RORA: variants seen among roughly 807,000 people sequenced by gnomAD.
RORA encodes the protein RAR related orphan receptor A.
A neutral mutation model predicts 69.5 loss-of-function variants in RORA; 7 were observed. The ratio of observed to expected loss-of-function variants is 0.10; its 90% CI spans 0.06 to 0.19. The LOEUF (loss-of-function observed/expected upper bound fraction) is 0.19. RORA is among the 10% of genes least tolerant of loss of function. The pLI, the probability that RORA is intolerant of heterozygous loss-of-function variation, is 1.00. For synonymous variants in RORA, 261 were observed against 240.8 expected (o/e 1.08, Z -0.78); for missense variants, 457 against 663.0 (o/e 0.69, Z 3.41).
At chr15:60,541,309 G>A (rs550292071) in intron 2 of RORA, among the ~76,000 whole-genome samples, 14 of 152,128 alleles carry the variant, frequency 9.2e-5, no homozygotes, top group Non-Finnish European at 1.8e-4. Context: ...TCTGAACTGT[G>A]GCTCAATGGT....
chr15:60,614,516 C>G (rs1438776144), intron 2 of RORA, among the ~76,000 whole-genome samples: 2 of 152,058 alleles, frequency 1.3e-5, no homozygotes, highest in Non-Finnish European at 2.9e-5. Flanking sequence ...ATTCATAGGG[C>G]GCATTGATGA....
chr15:60,797,956 G>C (rs2072521358), intron 1 of RORA, among the ~76,000 whole-genome samples: 1 of 152,156 alleles, frequency 6.6e-6, no homozygotes, highest in Non-Finnish European at 1.5e-5. Context: ...AAATCAACCA[G>C]ATGTGTAGAA....
At chr15:60,772,969 T>C (rs988892239) in intron 1 of RORA, among the ~76,000 whole-genome samples, 4 of 152,258 alleles carry the variant, frequency 2.6e-5, no homozygotes, top group African/African-American at 9.6e-5. Context: ...CAGGGAGTTT[T>C]CCAGGGCTGC....
intron 1 of RORA, among the ~76,000 whole-genome samples, chr15:61,003,744 T>C (rs532778843): frequency 6.6e-6 from 1 of 152,280 alleles, no homozygotes; most frequent in South Asian, 2.1e-4. Context: ...AAATTATCTT[T>C]ATACAGGACT....
Position 60,981,200 on chromosome 15 carries a change from A to G in RORA, c.166+247853T>C, listed in dbSNP as rs964842993. ...TAATTTTACTGAGGATTTCTTCTAT[A>G]TAATAAGTTGCTTCTCTCTTACTGC... is the stretch of plus-strand genomic sequence containing the variant. On this transcript the variant is annotated intron_variant, in intron 1 of 10. Coordinates refer to ENST00000335670, the MANE Select transcript of RORA (RefSeq NM_134261.3). Among the ~76,000 whole-genome samples the G allele has an allele frequency of 2.6e-5, 4 of 151,762 alleles. No homozygotes were observed. In the South Asian group the frequency reaches 8.3e-4, roughly 31 times the overall value.
intron 2 of RORA, among the ~76,000 whole-genome samples, chr15:60,555,484 A>G (rs1298914654): frequency 6.6e-6 from 1 of 152,188 alleles, no homozygotes; most frequent in Non-Finnish European, 1.5e-5. Flanking sequence ...GAGGAACCCT[A>G]TAATTATTCT....
At chr15:60,808,139 A>G (rs1048747809) in intron 1 of RORA, among the ~76,000 whole-genome samples, 1 of 152,158 alleles carries the variant, frequency 6.6e-6, no homozygotes, top group Non-Finnish European at 1.5e-5. Context: ...TTTACAGACA[A>G]TCTACAGAGT....
At chr15:60,860,230 A>G (rs770041504) in intron 1 of RORA, among the ~76,000 whole-genome samples, 1 of 152,162 alleles carries the variant, frequency 6.6e-6, no homozygotes, top group Non-Finnish European at 1.5e-5. Context: ...GTGTTCTCAA[A>G]CCATTCCAAA....
At chr15:60,871,110 C>G (rs768264714) in intron 1 of RORA, among the ~76,000 whole-genome samples, 13 of 152,136 alleles carry the variant, frequency 8.5e-5, no homozygotes, top group Non-Finnish European at 1.8e-4. Flanking sequence ...GCATAGGAAA[C>G]AGTAATTAGA....
Position 60,683,794 on chromosome 15 carries a change from A to G in RORA, c.167-5108T>C, listed in dbSNP as rs139299272. Among the ~76,000 whole-genome samples the G allele has an allele frequency of 1.9e-3, 297 of 152,344 alleles. 2 individuals carry two copies. The highest frequency in any genetic ancestry group is 6.9e-3 in the African/African-American group (287 of 41,586). On this transcript the variant is annotated intron_variant, in intron 1 of 10. Coordinates refer to ENST00000335670, the MANE Select transcript of RORA (RefSeq NM_134261.3). ...AAACTAAGAGGGCTAAAAGGCCCCA[A>G]AATATTCGGTCCAAAGCAAAGTTGA...
chr15:60,875,385 A>G (rs191121435), intron 1 of RORA, among the ~76,000 whole-genome samples: 149 of 152,360 alleles, frequency 9.8e-4, no homozygotes, highest in Admixed American at 4.5e-3. Flanking sequence ...GTTCAAATGT[A>G]TAAATTTTAT....
Position 60,927,708 on chromosome 15 carries a change from A to T in RORA, c.167-249022T>A, listed in dbSNP as rs548875052. ...AGAATCACTTGAACCTGAGAGGTGG[A>T]GGTTGCAATGAGCCAAGATCACACC... On this transcript the variant is annotated intron_variant, in intron 1 of 10. Transcript: ENST00000335670. Among the ~76,000 whole-genome samples the T allele has an allele frequency of 3.3e-5, 5 of 152,310 alleles. No individual in the cohort carries two copies. The East Asian group carries it at 9.6e-4, about 29-fold the overall frequency.
At chr15:60,991,157 C>T (rs2140369653) in intron 1 of RORA, among the ~76,000 whole-genome samples, 1 of 152,288 alleles carries the variant, frequency 6.6e-6, no homozygotes, top group African/African-American at 2.4e-5. Flanking sequence ...AATAAAACTT[C>T]ACTCTTCTTC....
intron 1 of RORA, among the ~76,000 whole-genome samples, chr15:60,872,721 G>A (rs7166448): frequency 0.058 from 8,859 of 152,138 alleles, 362 homozygotes; most frequent in Non-Finnish European, 0.094. Flanking sequence ...CAGTACATCT[G>A]GTCTTTCTTG....
intron 1 of RORA, among the ~76,000 whole-genome samples, chr15:60,927,177 G>A (rs1892243589): frequency 1.3e-5 from 2 of 152,142 alleles, no homozygotes; most frequent in African/African-American, 2.4e-5. Context: ...GACCAGATAG[G>A]AAGTGCTCAA....
At chr15:60,998,839 C>T (rs113084356) in intron 1 of RORA, among the ~76,000 whole-genome samples, 50 of 152,340 alleles carry the variant, frequency 3.3e-4, no homozygotes, top group African/African-American at 1.1e-3. Flanking sequence ...CCTCAGCATC[C>T]TGGGAGACTG....
chr15:60,861,020 T>C (rs1300713522), intron 1 of RORA, among the ~76,000 whole-genome samples: 1 of 152,200 alleles, frequency 6.6e-6, no homozygotes, highest in Non-Finnish European at 1.5e-5. Flanking sequence ...AATAATGATG[T>C]GCACACAGTC....
At chr15:60,707,567 G>C (rs1013668800) in intron 1 of RORA, among the ~76,000 whole-genome samples, 12 of 152,094 alleles carry the variant, frequency 7.9e-5, no homozygotes, top group African/African-American at 2.9e-4. Flanking sequence ...GTTTCACCGT[G>C]TTAGCCAGGA....
intron 1 of RORA, among the ~76,000 whole-genome samples, chr15:60,873,754 C>T (rs1410922093): frequency 6.6e-6 from 1 of 152,172 alleles, no homozygotes; most frequent in Non-Finnish European, 1.5e-5. Context: ...TGTATTAGCT[C>T]TATTAAGTTG....
Sources: allele counts gnomAD v4.1 joint callset (sites outside exome capture counted in the v4.1 genomes callset), GRCh38; gene constraint gnomAD v4.1.1; transcripts MANE v1.5; gene names NCBI Gene and HGNC (gene_info 2026-07-23, HGNC 2026-07-21).